Variants in ANXA10 observed in about 807,000 individuals in gnomAD.
ANXA10 encodes annexin 14.
In ANXA10, 49 loss-of-function variants were observed where a neutral mutation model predicts 53.5. That is an observed-to-expected ratio of 0.92 (90% CI 0.73 to 1.16). The LOEUF (loss-of-function observed/expected upper bound fraction) is 1.16. Among genes scored for constraint, ANXA10 ranks in the 50% most tolerant of loss-of-function variants. ANXA10 has a pLI of 0.00. For missense variants in ANXA10, 393 were observed against 394.4 expected (o/e 1.00, Z 0.03); for synonymous variants, 131 against 128.9 (o/e 1.02, Z -0.11).
intron 9 of ANXA10, among the ~76,000 whole-genome samples, chr4:168,179,968 G>A (rs1226087099): frequency 6.6e-6 from 1 of 152,160 alleles, no homozygotes; most frequent in Non-Finnish European, 1.5e-5. Context: ...TTTCAGGGAC[G>A]ACCAAAGGGG....
At chr4:168,111,571 A>G (rs985837358) in intron 1 of ANXA10, among the ~76,000 whole-genome samples, 3 of 152,188 alleles carry the variant, frequency 2.0e-5, no homozygotes, top group Admixed American at 2.0e-4. Flanking sequence ...GCCAATTAGT[A>G]AGCCACTGGC....
chr4:168,184,463 G>A (rs1732324487), intron 10 of ANXA10, 96 bp from the exon 11 acceptor site: 2 of 1,433,238 alleles, frequency 1.4e-6, no homozygotes, highest in African/African-American at 1.4e-5. Flanking sequence ...TCAGGAAGAA[G>A]AGAAAATGAC....
At chr4:168,108,852 C>A (rs376399407) in intron 1 of ANXA10, among the ~76,000 whole-genome samples, 2 of 152,288 alleles carry the variant, frequency 1.3e-5, no homozygotes, top group African/African-American at 4.8e-5. Context: ...GCTGACATCA[C>A]CACCCTTCAC....
chr4:168,166,143 TAGAG>T (rs1731874438), intron 6 of ANXA10, among the ~76,000 whole-genome samples: 1 of 152,170 alleles, frequency 6.6e-6, no homozygotes, highest in African/African-American at 2.4e-5. Context: ...CAGAAAAGAA[TAGAG>T]AATCACAAAG....
rs73862559 is a variant in ANXA10, at chr4:168,151,005, C to T, written c.195+11425C>T. Among the ~76,000 whole-genome samples the T allele has an allele frequency of 7.4e-3, 1,122 of 152,214 alleles. 11 individuals carry two copies. Among genetic ancestry groups the T allele is most frequent in the African/African-American group, 0.024 (995 of 41,544 alleles). On this transcript the variant is annotated intron_variant, in intron 3 of 11. Transcript: ENST00000359299. Reference sequence around the variant, plus strand: ...GGTACCATAAGGTGTATTCTAAATTCCATCCCATCATTGCTAGGAACTCAG... The same window carrying T: ...GGTACCATAAGGTGTATTCTAAATTTCATCCCATCATTGCTAGGAACTCAG...
intron 2 of ANXA10, among the ~76,000 whole-genome samples, chr4:168,133,868 A>C (rs950590136): frequency 3.3e-5 from 5 of 152,228 alleles, no homozygotes; most frequent in Non-Finnish European, 4.4e-5. Context: ...TTATGCCCAA[A>C]TTTTCCATTA....
At position 168,094,250 on chromosome 4, in the gene ANXA10, A is replaced by G. The variant is rs565073345; in HGVS notation, c.18+1532A>G. Among the ~76,000 whole-genome samples the G allele has an allele frequency of 1.4e-4, 21 of 152,308 alleles. 1 individual carries two copies. Among genetic ancestry groups the G allele is most frequent in the African/African-American group, 4.1e-4 (17 of 41,574 alleles). Reference sequence around the variant, plus strand: ...CAATTATTTGCTATGCTTCTGAAGCAAATAAAGAAAACTGAAGATTAAAGA... The same window carrying G: ...CAATTATTTGCTATGCTTCTGAAGCGAATAAAGAAAACTGAAGATTAAAGA... On this transcript the variant is annotated intron_variant, in intron 1 of 11. Transcript: ENST00000359299.
At chr4:168,109,683 T>C (rs1730772691) in intron 1 of ANXA10, among the ~76,000 whole-genome samples, 1 of 152,214 alleles carries the variant, frequency 6.6e-6, no homozygotes, top group South Asian at 2.1e-4. Context: ...TTTTAAAAAA[T>C]AACTGCAGAC....
chr4:168,138,549 T>C lies in ANXA10; in HGVS notation c.101-937T>C, dbSNP rs1451555505. ...TGTGATGACTTTGGCTTTGTTCTCT[T>C]TGTGTAAGATTGCGTTGGCTATTCA... On this transcript the variant is annotated intron_variant, in intron 2 of 11. Transcript: ENST00000359299. 5.3e-5 allele frequency among the ~76,000 whole-genome samples: 8 copies of C among 152,202 alleles called. 1 individual carries two copies. Among genetic ancestry groups the C allele is most frequent in the Admixed American group, 3.9e-4 (6 of 15,274 alleles).
intron 6 of ANXA10, among the ~76,000 whole-genome samples, chr4:168,171,233 G>A (rs759629730): frequency 6.6e-6 from 1 of 152,150 alleles, no homozygotes; most frequent in Admixed American, 6.5e-5. Context: ...GAGCTGGTGA[G>A]TTCCTAGTGG....
chr4:168,160,909 T>C (rs1433830029), intron 3 of ANXA10, among the ~76,000 whole-genome samples: 26 of 152,188 alleles, frequency 1.7e-4, no homozygotes, highest in Non-Finnish European at 4.4e-5. Context: ...TGGGGTTGTT[T>C]GTTTCCTGTA....
At chr4:168,107,495 A>G (rs1202733743) in intron 1 of ANXA10, among the ~76,000 whole-genome samples, 2 of 152,246 alleles carry the variant, frequency 1.3e-5, no homozygotes, top group Non-Finnish European at 2.9e-5. Context: ...CAAAAACCAT[A>G]TGCCTTTATT....
chr4:168,115,606 T>C (rs1730881610), intron 1 of ANXA10, among the ~76,000 whole-genome samples: 1 of 152,062 alleles, frequency 6.6e-6, no homozygotes, highest in African/African-American at 2.4e-5. Flanking sequence ...TTTTTACTTG[T>C]AGGGTCCTTT....
At chr4:168,141,375 A>ATT (rs958128270) in intron 3 of ANXA10, among the ~76,000 whole-genome samples, 7 of 152,164 alleles carry the variant, frequency 4.6e-5, no homozygotes, top group African/African-American at 1.7e-4. Context: ...GATCTTCATC[A>ATT]TTTTGTGCCC....
chr4:168,183,203 G>A (rs1732295505), intron 10 of ANXA10, among the ~76,000 whole-genome samples: 1 of 152,102 alleles, frequency 6.6e-6, no homozygotes, highest in South Asian at 2.1e-4. Context: ...AGCATGCTGG[G>A]AAAATATGTT....
chr4:168,153,977 T>C (rs2149474812), intron 3 of ANXA10, among the ~76,000 whole-genome samples: 1 of 108,104 alleles, frequency 9.3e-6, no homozygotes, highest in East Asian at 2.3e-4. Flanking sequence ...ACTATAGCTA[T>C]GTATACACAC....
chr4:168,145,800 G>T (rs1280338835), intron 3 of ANXA10, among the ~76,000 whole-genome samples: 1 of 152,124 alleles, frequency 6.6e-6, no homozygotes, highest in Non-Finnish European at 1.5e-5. Context: ...AGCTAAGTAG[G>T]CCAGATGAAG....
In ANXA10 at chr4:168,122,127, A is replaced by G. The variant is rs554555470; in HGVS notation, c.19-5957A>G. On this transcript the variant is annotated intron_variant, in intron 1 of 11. Transcript: ENST00000359299. ...AGTGCTGGGATTACTGGCGTGAGCC[A>G]CCGCCCCCGGCCAGTTTTTCAGCTT... Among the ~76,000 whole-genome samples the G allele has an allele frequency of 5.3e-5, 8 of 152,210 alleles. No individual in the cohort carries two copies. In the East Asian group the frequency reaches 1.5e-3, roughly 29 times the overall value.
At chr4:168,164,631 C>A (rs575216173) in intron 5 of ANXA10, among the ~76,000 whole-genome samples, 1 of 152,246 alleles carries the variant, frequency 6.6e-6, no homozygotes, top group East Asian at 1.9e-4. Flanking sequence ...AAATAAGGTA[C>A]AATAATGGCT....
Sources: allele counts gnomAD v4.1 joint callset (sites outside exome capture counted in the v4.1 genomes callset), GRCh38; gene constraint gnomAD v4.1.1; transcripts MANE v1.5; gene names NCBI Gene and HGNC (gene_info 2026-07-23, HGNC 2026-07-21).